Variants in AQP1 observed in about 807,000 individuals in gnomAD.
AQP1 encodes aquaporin-1.
A neutral mutation model predicts 19.7 loss-of-function variants in AQP1; 11 were observed. The observed-to-expected ratio is 0.56, with a 90% CI of 0.35 to 0.92. The LOEUF (loss-of-function observed/expected upper bound fraction) is 0.92, where lower values mean the gene tolerates loss of function less well. Among genes scored for constraint, AQP1 ranks in the 40% least tolerant of loss-of-function variants. The pLI, the probability that AQP1 is intolerant of heterozygous loss-of-function variation, is 0.01. For missense variants in AQP1, 320 were observed against 369.7 expected (o/e 0.87, Z 1.10); for synonymous variants, 159 against 166.7 (o/e 0.95, Z 0.36).
rs1791639286 is a variant in AQP1 at position 30,925,002 on chromosome 7, CCT to C, written c.*1374_*1375del. On this transcript the variant is annotated 3_prime_UTR_variant, in exon 4 of 4. Coordinates refer to ENST00000311813, the MANE Select transcript of AQP1 (RefSeq NM_198098.4). ...AAGGCTGGATTCTATCTACATAAGT[CCT>C]TTCAATTCCACCAGGGCCAGAGCAG... The C allele has an allele frequency of 2.0e-5, 3 of 152,356 alleles. No homozygotes were observed. The highest frequency in any genetic ancestry group is 2.0e-4 in the Admixed American group (3 of 15,304). The allele number at this position is 152,356 out of a possible 1,614,324, so 9.4% of individuals were successfully genotyped here.
rs1791507127 is a variant in AQP1, at chr7:30,921,791, C to T, written c.385-275C>T. ...GCTGGATGCAAAGGCCCCAGCTCAC[C>T]CCAGGCCTCTCCAGCTTCTAGGCAG... On this transcript the variant is annotated intron_variant, in intron 1 of 3. Coordinates refer to ENST00000311813, the MANE Select transcript of AQP1 (RefSeq NM_198098.4). The T allele has an allele frequency of 3.9e-6, 6 of 1,550,636 alleles. No homozygotes were observed. The East Asian group carries it at 1.5e-4, about 38-fold the overall frequency.
rs144530886 is a variant in AQP1, at chr7:30,918,054, G to A, written c.385-4012G>A. Among the ~76,000 whole-genome samples the A allele has an allele frequency of 4.0e-4, 60 of 151,860 alleles. No homozygotes were observed. In the East Asian group the frequency reaches 0.011, roughly 27 times the overall value. On this transcript the variant is annotated intron_variant, in intron 1 of 3. Transcript: ENST00000311813. Reference sequence around the variant, plus strand: ...CTGTCGCCCAGGCTGGAGTGCAGTGGCACCATCTCGGCTCACTGCAAGTTC... The same window carrying A: ...CTGTCGCCCAGGCTGGAGTGCAGTGACACCATCTCGGCTCACTGCAAGTTC...
At chr7:30,921,745 G>A in intron 1 of AQP1, 1 of 1,550,884 alleles carries the variant, frequency 6.4e-7, no homozygotes, top group Non-Finnish European at 8.7e-7. Flanking sequence ...TGGTACCCCA[G>A]AATACCCTGG....
At position 30,923,678 on chromosome 7, in the gene AQP1, C is replaced by T. The variant is rs766446681; in HGVS notation, c.*49C>T. On this transcript the variant is annotated 3_prime_UTR_variant, in exon 4 of 4. Coordinates refer to ENST00000311813, the MANE Select transcript of AQP1 (RefSeq NM_198098.4). This position sits in a 1 kb window ranked among gnomAD's most constrained non-coding sequence, Gnocchi z 4.8. ...CGTAGGGGGCAGGGGCAGGGGCGGG[C>T]GGAGGGAGGGGAGGGGTGAAATCCA... The T allele has an allele frequency of 4.1e-5, 24 of 590,554 alleles. No individual in the cohort carries two copies. The highest frequency in any genetic ancestry group is 5.8e-4 in the Middle Eastern group (1 of 1,712). 36.6% of individuals were successfully genotyped at this position (590,554 alleles called of 1,614,324 possible). A position where few individuals can be genotyped will look rare whatever the true frequency, so the allele number is the denominator to read the frequency against.
intron 1 of AQP1, chr7:30,921,194 T>C: frequency 1.1e-6 from 1 of 920,578 alleles, no homozygotes; most frequent in South Asian, 4.1e-5. Flanking sequence ...TAGTGGAAGG[T>C]GCTGGGGCTT....
Position 30,922,127 on chromosome 7 carries a change from TG to T in AQP1, c.448del (p.Val150CysfsTer27), listed in dbSNP as rs2128590724. ...ATCGAGATCATCGGGACCCTCCAGC[TG>T]GTGCTATGCGTGCTGGCTACTACCG... is the stretch of plus-strand genomic sequence containing the variant. ...LGIEIIGTLQ[L>X]VLCVLATTDR... On this transcript the variant is annotated frameshift_variant, in exon 2 of 4. Coordinates refer to ENST00000311813, the MANE Select transcript of AQP1 (RefSeq NM_198098.4). LOFTEE classifies it high-confidence loss of function. 6.2e-7 allele frequency: 1 copy of T among 1,614,008 alleles called. No individual in the cohort carries two copies. Among genetic ancestry groups the T allele is most frequent in the African/African-American group, 1.3e-5 (1 of 75,036 alleles).
rs1426296967 is a variant in AQP1 at position 30,925,448 on chromosome 7, A to C, written c.*1819A>C. ...AAGGCCCTGCATCTGTCTGCTCTGC[A>C]TATATGTCTCTTTGGAGTTGGAATT... On this transcript the variant is annotated 3_prime_UTR_variant, in exon 4 of 4. Transcript: ENST00000311813. 1 of 152,274 alleles carries C rather than the reference A, an allele frequency of 6.6e-6. No homozygotes were observed. The highest frequency in any genetic ancestry group is 1.9e-4 in the East Asian group (1 of 5,200). 9.4% of individuals were successfully genotyped at this position (152,274 alleles called of 1,614,324 possible).
chr7:30,921,267 T>C, intron 1 of AQP1: 1 of 1,226,080 alleles, frequency 8.2e-7, no homozygotes, highest in African/African-American at 1.5e-5. Context: ...CACAGCAGCT[T>C]CCATTCCCTT....
intron 1 of AQP1, among the ~76,000 whole-genome samples, chr7:30,918,853 T>C (rs1791423925): frequency 6.6e-6 from 1 of 152,226 alleles, no homozygotes; most frequent in African/African-American, 2.4e-5. Context: ...GTCCCTTGAC[T>C]GGGCCTAGGA....
chr7:30,923,587 T>G lies in AQP1; in HGVS notation c.768T>G (p.Asp256Glu), dbSNP rs575472927. 3.7e-6 allele frequency: 6 copies of G among 1,600,060 alleles called. No individual in the cohort carries two copies. Among genetic ancestry groups the G allele is most frequent in the African/African-American group, 2.7e-5 (2 of 73,494 alleles). ...TSGQVEEYDL[D>E]ADDINSRVEM... ...GCCAGGTGGAGGAGTATGACCTGGATGCCGACGACATCAACTCCAGGGTGG... is the reference window on the plus strand; with the variant it reads ...GCCAGGTGGAGGAGTATGACCTGGAGGCCGACGACATCAACTCCAGGGTGG... Residue 256 changes from aspartate to glutamate, a missense_variant, in exon 4 of 4, where the codon GAT becomes GAG. By Grantham distance (45) the Asp-to-Glu change is conservative. Coordinates refer to ENST00000311813, the MANE Select transcript of AQP1 (RefSeq NM_198098.4). The surrounding 1 kb of genome is among the most constrained non-coding windows in gnomAD (Gnocchi z 4.8).
In AQP1 at chr7:30,923,384, A is replaced by G; in HGVS notation, c.631-66A>G. 6 of 1,609,806 alleles carry G rather than the reference A, an allele frequency of 3.7e-6. No individual in the cohort carries two copies. Among genetic ancestry groups the G allele is most frequent in the Non-Finnish European group, 5.1e-6 (6 of 1,178,312 alleles). On this transcript the variant is annotated intron_variant, in intron 3 of 3. Coordinates refer to ENST00000311813, the MANE Select transcript of AQP1 (RefSeq NM_198098.4). The surrounding 1 kb of genome is among the most constrained non-coding windows in gnomAD (Gnocchi z 4.8). Reference sequence around the variant, plus strand: ...CCAACGGGGTGGTGGGCTGTGGGGTAACCTAGGGAACGCTTCCCAGGGGCT... The same window carrying G: ...CCAACGGGGTGGTGGGCTGTGGGGTGACCTAGGGAACGCTTCCCAGGGGCT...
In AQP1 at chr7:30,911,976, C is replaced by T. The variant is rs1280879987; in HGVS notation, c.67C>T (p.Leu23Phe). Residue 23 changes from leucine to phenylalanine, a missense_variant, in exon 1 of 4, where the codon CTC becomes TTC. Physicochemically the swap from Leu to Phe is conservative, Grantham distance 22. Transcript: ENST00000311813. ...AVVAEFLATT[L>F]FVFISIGSAL... ...GGTGGCCGAGTTCCTGGCCACGACCCTCTTTGTCTTCATCAGCATCGGTTC... is the reference window on the plus strand; with the variant it reads ...GGTGGCCGAGTTCCTGGCCACGACCTTCTTTGTCTTCATCAGCATCGGTTC... 3 of 1,613,534 alleles carry T rather than the reference C, an allele frequency of 1.9e-6. No individual in the cohort carries two copies. Among genetic ancestry groups the T allele is most frequent in the Admixed American group, 3.3e-5 (2 of 60,014 alleles).
chr7:30,921,370 G>A (rs1182913780), intron 1 of AQP1: 1 of 1,392,634 alleles, frequency 7.2e-7, no homozygotes, highest in Non-Finnish European at 9.3e-7. Context: ...CAGAGGGAGG[G>A]TGAGGCTGAG....
At chr7:30,921,805 G>C (rs1291697153) in intron 1 of AQP1, 14 of 1,550,546 alleles carry the variant, frequency 9.0e-6, no homozygotes, top group East Asian at 4.9e-5. Context: ...GGCCTCTCCA[G>C]CTTCTAGGCA....
chr7:30,914,427 G>A (rs1791258826), intron 1 of AQP1, among the ~76,000 whole-genome samples: 3 of 152,364 alleles, frequency 2.0e-5, no homozygotes, highest in South Asian at 2.1e-4. Flanking sequence ...ACGAAAGCTG[G>A]CTAAGAGCAG....
chr7:30,914,741 T>C (rs1271718822), intron 1 of AQP1, among the ~76,000 whole-genome samples: 1 of 150,668 alleles, frequency 6.6e-6, no homozygotes, highest in African/African-American at 2.4e-5. Context: ...AGTCAAAACC[T>C]GGGTGGGGCA....
chr7:30,922,431 C>T, intron 2 of AQP1, 133 bp from the exon 3 acceptor site: 3 of 1,283,648 alleles, frequency 2.3e-6, no homozygotes, highest in Non-Finnish European at 1.1e-6. Context: ...GGGGTCAGCA[C>T]TCCTCTTTCC....
Position 30,922,155 on chromosome 7 carries a change from C to A in AQP1, c.474C>A (p.Asp158Glu), listed in dbSNP as rs1791529778. The A allele has an allele frequency of 1.2e-6, 2 of 1,613,738 alleles. No individual in the cohort carries two copies. Among genetic ancestry groups the A allele is most frequent in the Non-Finnish European group, 1.7e-6 (2 of 1,180,032 alleles). Residue 158 changes from aspartate (D) to glutamate (E), a missense_variant, in exon 2 of 4, where the codon GAC (aspartate) becomes GAA (glutamate). Physicochemically the swap from Asp to Glu is conservative, Grantham distance 45. Transcript: ENST00000311813. The stretch of plus-strand genomic sequence containing the variant: ...TGCTATGCGTGCTGGCTACTACCGA[C>A]CGGAGGCGCCGTGACCTTGGTGGCT... ...QLVLCVLATT[D>E]RRRRDLGGSA...
intron 1 of AQP1, among the ~76,000 whole-genome samples, chr7:30,917,194 A>G (rs574665267): frequency 4.2e-4 from 64 of 152,332 alleles, no homozygotes; most frequent in Non-Finnish European, 7.8e-4. Flanking sequence ...TCCAAAGTGT[A>G]CACACATGGC....
Sources: allele counts gnomAD v4.1 joint callset (sites outside exome capture counted in the v4.1 genomes callset), GRCh38; gene constraint gnomAD v4.1.1; non-coding constraint Gnocchi (gnomAD v3.1); transcripts MANE v1.5; gene names NCBI Gene and HGNC (gene_info 2026-07-23, HGNC 2026-07-21).